Variants in DSCAM observed in about 807,000 individuals in gnomAD.
DSCAM encodes DS cell adhesion molecule, also known as cell adhesion molecule DSCAM.
In DSCAM, 47 loss-of-function variants were observed where a neutral mutation model predicts 217.7. The ratio of observed to expected loss-of-function variants is 0.22; its 90% confidence interval spans 0.17 to 0.28. The LOEUF is 0.28. DSCAM is among the 10% of genes least tolerant of loss of function. The pLI is 1.00. For synonymous variants in DSCAM, 1,056 were observed against 1,015.3 expected, an observed-to-expected ratio of 1.04 and a Z score of -0.76; for missense variants, 2,080 against 2,618.3, an observed-to-expected ratio of 0.79 and a Z score of 4.49.
intron 20 of DSCAM, among the ~76,000 whole-genome samples, chr21:40,107,566 TTG>T (rs975640251): frequency 6.6e-6 from 1 of 152,080 alleles, no homozygotes; most frequent in African/African-American, 2.4e-5. Context: ...TGTTAATTTT[TTG>T]TCTCAATGAT....
chr21:40,115,662 G>A (rs193231289), intron 20 of DSCAM, among the ~76,000 whole-genome samples: 1 of 152,310 alleles, frequency 6.6e-6, no homozygotes, highest in East Asian at 1.9e-4. Flanking sequence ...AACAGATGCT[G>A]GTGAGGTTGT....
chr21:40,208,374 A>G (rs2091147676), intron 11 of DSCAM, among the ~76,000 whole-genome samples: 1 of 152,208 alleles, frequency 6.6e-6, no homozygotes, highest in Non-Finnish European at 1.5e-5. Flanking sequence ...GAATAGCTCG[A>G]GCCTGGGAAG....
At chr21:40,406,862 A>G (rs1366825509) in intron 3 of DSCAM, among the ~76,000 whole-genome samples, 1 of 152,078 alleles carries the variant, frequency 6.6e-6, no homozygotes, top group Non-Finnish European at 1.5e-5. Flanking sequence ...CGAGTGATCC[A>G]CCTGCCTCGA....
chr21:40,166,866 CATTTAAAAAAAGCA>C (rs1416443389), intron 16 of DSCAM, among the ~76,000 whole-genome samples: 9 of 151,862 alleles, frequency 5.9e-5, no homozygotes, highest in South Asian at 2.1e-4. Flanking sequence ...CATGCTTTGC[CATTTAAAAAAAGCA>C]ATTTGAAAAC....
rs140650318 is a variant in DSCAM, at chr21:40,351,788, C to T, written c.934+1677G>A. The stretch of plus-strand genomic sequence containing the variant: ...CTTTTAAAATATAGGTAGTGATAAA[C>T]GCCTTTAGAGAGAAAGCAGTAACAT... On this transcript the variant is annotated intron_variant, in intron 5 of 32. Coordinates refer to ENST00000400454, the MANE Select transcript of DSCAM (RefSeq NM_001389.5). Among the ~76,000 whole-genome samples the T allele has an allele frequency of 2.8e-4, 42 of 152,054 alleles. 1 individual carries two copies. Among genetic ancestry groups the T allele is most frequent in the Admixed American group, 2.4e-3 (36 of 15,282 alleles).
chr21:40,558,356 G>A (rs997233256), intron 3 of DSCAM, among the ~76,000 whole-genome samples: 10 of 151,906 alleles, frequency 6.6e-5, no homozygotes, highest in Non-Finnish European at 1.3e-4. Flanking sequence ...GCTGAGGCAG[G>A]AGAATGGCAT....
At chr21:40,146,756 AT>A (rs2090362155) in intron 16 of DSCAM, among the ~76,000 whole-genome samples, 2 of 152,210 alleles carry the variant, frequency 1.3e-5, no homozygotes, top group South Asian at 4.1e-4. Flanking sequence ...GGAAGAGCTC[AT>A]ACCTTTTTTA....
rs527273364 is a variant in DSCAM at position 40,244,277 on chromosome 21, C to T, written c.2356+31820G>A. Among the ~76,000 whole-genome samples, 26 of 152,090 alleles carry T rather than the reference C, an allele frequency of 1.7e-4. 1 individual carries two copies. The South Asian group carries it at 3.3e-3, about 19-fold the overall frequency. ...ACCAGACTGGCCAACATGGAGAAAC[C>T]CCATCTCTACTAAAAATACAAAAAT... On this transcript the variant is annotated intron_variant, in intron 11 of 32. Transcript: ENST00000400454.
At chr21:40,477,354 A>G (rs1006896831) in intron 3 of DSCAM, among the ~76,000 whole-genome samples, 1 of 152,160 alleles carries the variant, frequency 6.6e-6, no homozygotes, top group Non-Finnish European at 1.5e-5. Context: ...TTAACACACA[A>G]AAAAGGAGAT....
intron 3 of DSCAM, among the ~76,000 whole-genome samples, chr21:40,496,087 G>C (rs554272950): frequency 1.4e-3 from 218 of 152,156 alleles, no homozygotes; most frequent in Non-Finnish European, 2.4e-3. Flanking sequence ...ATGTTGTTAA[G>C]ATGTCCATAT....
chr21:40,030,651 C>A (rs1336882755), intron 32 of DSCAM, among the ~76,000 whole-genome samples: 1 of 152,182 alleles, frequency 6.6e-6, no homozygotes, highest in Non-Finnish European at 1.5e-5. Flanking sequence ...TCCAACAAAG[C>A]CTCCACATAC....
chr21:40,686,985 A>G (rs890206434), intron 3 of DSCAM, among the ~76,000 whole-genome samples: 3 of 152,172 alleles, frequency 2.0e-5, no homozygotes, highest in Non-Finnish European at 4.4e-5. Flanking sequence ...TCACTCCCAA[A>G]AATATAGCAT....
rs375208986 is a variant in DSCAM at position 40,567,077 on chromosome 21, A to G, written c.508+125733T>C. ...GATGCTCATGGGTCCTCCCTCCCCAAAAATCAGTGTTACATTTTATGACTC... is the reference window on the plus strand; with the variant it reads ...GATGCTCATGGGTCCTCCCTCCCCAGAAATCAGTGTTACATTTTATGACTC... On this transcript the variant is annotated intron_variant, in intron 3 of 32. Coordinates refer to ENST00000400454, the MANE Select transcript of DSCAM (RefSeq NM_001389.5). Among the ~76,000 whole-genome samples the G allele has an allele frequency of 1.1e-4, 16 of 152,256 alleles. No individual in the cohort carries two copies. The East Asian group carries it at 2.7e-3, about 26-fold the overall frequency.
At chr21:40,181,401 T>C (rs1028845672) in intron 14 of DSCAM, among the ~76,000 whole-genome samples, 18 of 152,098 alleles carry the variant, frequency 1.2e-4, no homozygotes, top group African/African-American at 4.3e-4. Context: ...CAGAAACCTG[T>C]GCTTTTAAAA....
At chr21:40,451,270 T>C (rs890069415) in intron 3 of DSCAM, among the ~76,000 whole-genome samples, 2 of 152,202 alleles carry the variant, frequency 1.3e-5, no homozygotes, top group African/African-American at 2.4e-5. Flanking sequence ...GGTATTTTAA[T>C]GAAAGGAGAG....
chr21:40,301,140 CTTAT>C (rs573400964), intron 9 of DSCAM, among the ~76,000 whole-genome samples: 154 of 152,322 alleles, frequency 1.0e-3, no homozygotes, highest in African/African-American at 3.4e-3. Context: ...CATATTGCCT[CTTAT>C]TTAGATTTCT....
At chr21:40,168,804 G>C (rs1396754205) in intron 15 of DSCAM, among the ~76,000 whole-genome samples, 1 of 152,072 alleles carries the variant, frequency 6.6e-6, no homozygotes, top group Non-Finnish European at 1.5e-5. Flanking sequence ...CTAAGTTGAT[G>C]GGCCATTTGA....
intron 3 of DSCAM, among the ~76,000 whole-genome samples, chr21:40,635,054 G>A (rs2089738091): frequency 6.6e-6 from 1 of 152,186 alleles, no homozygotes; most frequent in Non-Finnish European, 1.5e-5. Context: ...ACCAGGTACA[G>A]ATGAGTTCTT....
At chr21:40,430,616 C>G (rs543923402) in intron 3 of DSCAM, among the ~76,000 whole-genome samples, 2 of 152,262 alleles carry the variant, frequency 1.3e-5, no homozygotes, top group South Asian at 4.2e-4. Flanking sequence ...TAATAAACTC[C>G]CCTATATATA....
Sources: gnomAD v4.1 joint callset for allele counts (sites outside exome capture counted in the v4.1 genomes callset) on GRCh38, gnomAD v4.1.1 for gene constraint, MANE v1.5 for transcripts, NCBI Gene and HGNC (gene_info 2026-07-23, HGNC 2026-07-21) for gene names.